Variants in PAPSS1 observed in about 807,000 individuals in gnomAD.
PAPSS1 encodes bifunctional 3'-phosphoadenosine 5'-phosphosulfate synthase 1.
A neutral mutation model predicts 72.0 loss-of-function variants in PAPSS1; 50 were observed. The ratio of observed to expected loss-of-function variants is 0.69; its 90% confidence interval spans 0.55 to 0.88. The LOEUF (loss-of-function observed/expected upper bound fraction) is 0.88, where lower values mean the gene tolerates loss of function less well. Ranked by LOEUF, PAPSS1 falls within the 40% of genes least tolerant of loss-of-function variation. The pLI, the probability that PAPSS1 is intolerant of heterozygous loss-of-function variation, is 0.00. For synonymous variants in PAPSS1, 261 were observed against 263.6 expected (o/e 0.99, Z 0.09); for missense variants, 657 against 782.2 (o/e 0.84, Z 1.91).
chr4:107,675,473 A>C (rs1442672223), intron 5 of PAPSS1, among the ~76,000 whole-genome samples: 1 of 152,240 alleles, frequency 6.6e-6, no homozygotes, highest in Non-Finnish European at 1.5e-5. Context: ...CACCCTCCCA[A>C]GACTAAACCA....
At chr4:107,665,542 T>C (rs1269465078) in intron 5 of PAPSS1, among the ~76,000 whole-genome samples, 2 of 152,106 alleles carry the variant, frequency 1.3e-5, no homozygotes, top group Non-Finnish European at 2.9e-5. Flanking sequence ...TGCACACACC[T>C]GGACATCTCA....
At chr4:107,631,447 A>T (rs4956112) in intron 11 of PAPSS1, among the ~76,000 whole-genome samples, 184 bp downstream of exon 11, 36,581 of 152,096 alleles carry the variant, frequency 0.24, 4,425 homozygotes, top group East Asian at 0.37. Context: ...ATGAAACTAG[A>T]TTCAAGTTTT....
intron 7 of PAPSS1, among the ~76,000 whole-genome samples, chr4:107,655,646 T>C (rs533423762): frequency 6.6e-6 from 1 of 152,274 alleles, no homozygotes; most frequent in East Asian, 1.9e-4. Context: ...ACTAAAGAAA[T>C]CATATTTTTT....
At position 107,652,167 on chromosome 4, in the gene PAPSS1, C is replaced by A. The variant is rs146575228; in HGVS notation, c.1237+1324G>T. 2.1e-3 allele frequency among the ~76,000 whole-genome samples: 316 copies of A among 152,314 alleles called. 3 individuals are homozygous for A. The highest frequency in any genetic ancestry group is 7.2e-3 in the African/African-American group (299 of 41,570). The stretch of plus-strand genomic sequence containing the variant: ...AACACATTCACCTGCCCTTTCTCAA[C>A]CACATCCATCTGATTTCTACACAGA... On this transcript the variant is annotated intron_variant, in intron 9 of 11. Transcript: ENST00000265174.
At chr4:107,637,380 C>G (rs1420848558) in intron 10 of PAPSS1, among the ~76,000 whole-genome samples, 2 of 152,034 alleles carry the variant, frequency 1.3e-5, no homozygotes, top group Admixed American at 1.3e-4. Context: ...AAAACAAAAA[C>G]AAATTAAAAA....
chr4:107,657,744 C>CA lies in PAPSS1; in HGVS notation c.784-738dup, dbSNP rs33998305. ...TGGGCAGTAGAGTGAGACCATGTCT[C>CA]AAAAAAAAAAAAAGAAGTCATTGGG... On this transcript the variant is annotated intron_variant, in intron 6 of 11. Transcript: ENST00000265174. 7.6e-3 allele frequency among the ~76,000 whole-genome samples: 937 copies of CA among 123,016 alleles called. 6 individuals carry two copies. The highest frequency in any genetic ancestry group is 0.025 in the African/African-American group (816 of 33,300). The allele number at this position is 123,016 out of a possible 152,430, so 80.7% of individuals were successfully genotyped here. A position where few individuals can be genotyped will look rare whatever the true frequency, so the allele number is the denominator to read the frequency against.
chr4:107,640,479 TTTA>T (rs917522723), intron 10 of PAPSS1, among the ~76,000 whole-genome samples: 17 of 152,314 alleles, frequency 1.1e-4, no homozygotes, highest in African/African-American at 4.1e-4. Context: ...TTGTTTTTAT[TTTA>T]TTATTATTAG....
chr4:107,690,329 C>A (rs1722883919), intron 3 of PAPSS1, among the ~76,000 whole-genome samples: 1 of 152,156 alleles, frequency 6.6e-6, no homozygotes, highest in Admixed American at 6.5e-5. Flanking sequence ...CCCAAAAAAA[C>A]AAACTGTCTC....
At chr4:107,714,783 C>G (rs1484923824) in intron 1 of PAPSS1, among the ~76,000 whole-genome samples, 2 of 152,104 alleles carry the variant, frequency 1.3e-5, no homozygotes, top group African/African-American at 4.8e-5. Flanking sequence ...CGATTGAGAA[C>G]CACTGGCATA....
Position 107,687,308 on chromosome 4 carries a change from A to G in PAPSS1, c.412-131T>C, listed in dbSNP as rs1722812603. The stretch of plus-strand genomic sequence containing the variant: ...ACAAAATTTATGTTTTTAAATATAA[A>G]CTGAAAAAAAAATCCAAGAAATTAT... On this transcript the variant is annotated intron_variant, in intron 3 of 11. Transcript: ENST00000265174. The G allele has an allele frequency of 1.1e-5, 7 of 643,884 alleles. No homozygotes were observed. In the South Asian group the frequency reaches 1.5e-4, roughly 14 times the overall value. The allele number at this position is 643,884 out of a possible 1,614,324, so 39.9% of individuals were successfully genotyped here.
At chr4:107,699,614 A>G (rs925044657) in intron 2 of PAPSS1, among the ~76,000 whole-genome samples, 4 of 152,196 alleles carry the variant, frequency 2.6e-5, no homozygotes, top group Non-Finnish European at 5.9e-5. Flanking sequence ...CCTAACTGAG[A>G]AAGACAAAAG....
At chr4:107,661,606 C>G (rs1727183909) in intron 5 of PAPSS1, among the ~76,000 whole-genome samples, 1 of 152,158 alleles carries the variant, frequency 6.6e-6, no homozygotes, top group Non-Finnish European at 1.5e-5. Flanking sequence ...ATGATTCCAA[C>G]TACATGATGC....
At chr4:107,665,759 C>T (rs144182356) in intron 5 of PAPSS1, among the ~76,000 whole-genome samples, 68 of 152,236 alleles carry the variant, frequency 4.5e-4, no homozygotes, top group African/African-American at 1.5e-3. Flanking sequence ...GTACCCAGAA[C>T]GTTGTTTGAC....
chr4:107,681,178 G>A (rs554986414), intron 5 of PAPSS1, among the ~76,000 whole-genome samples: 6 of 152,186 alleles, frequency 3.9e-5, no homozygotes, highest in Non-Finnish European at 1.5e-5. Context: ...CAGATTAAGA[G>A]GGGGTTCAAA....
At chr4:107,682,478 G>C (rs564504439) in intron 4 of PAPSS1, among the ~76,000 whole-genome samples, 2 of 152,144 alleles carry the variant, frequency 1.3e-5, no homozygotes, top group East Asian at 3.9e-4. Flanking sequence ...CAGGTGTGTC[G>C]GACGTGTTGC....
At chr4:107,628,951 G>C (rs960543135) in intron 11 of PAPSS1, among the ~76,000 whole-genome samples, 8 of 152,202 alleles carry the variant, frequency 5.3e-5, no homozygotes, top group Non-Finnish European at 8.8e-5. Context: ...ACCTATAGAT[G>C]AAAGTTAATA....
At chr4:107,648,912 A>G (rs1726765850) in intron 9 of PAPSS1, among the ~76,000 whole-genome samples, 1 of 152,234 alleles carries the variant, frequency 6.6e-6, no homozygotes, top group African/African-American at 2.4e-5. Context: ...TAAAGGAATA[A>G]GAGATGGGCC....
rs540608513 is a variant in PAPSS1, at chr4:107,635,048, T to C, written c.1507-3188A>G. Among the ~76,000 whole-genome samples, 14 of 152,320 alleles carry C rather than the reference T, an allele frequency of 9.2e-5. No homozygotes were observed. The South Asian group carries it at 2.9e-3, about 32-fold the overall frequency. ...CTCCTGACCTTGTGATCCGCCCGCC[T>C]TGGCCTCCCAAAGTGCCAGGATTAC... On this transcript the variant is annotated intron_variant, in intron 10 of 11. Transcript: ENST00000265174.
intron 10 of PAPSS1, among the ~76,000 whole-genome samples, chr4:107,637,511 C>T (rs1028232232): frequency 3.9e-5 from 6 of 152,088 alleles, no homozygotes; most frequent in African/African-American, 1.4e-4. Flanking sequence ...TTTCACTGTT[C>T]CAGAAATCTG....
Sources: allele counts gnomAD v4.1 joint callset (sites outside exome capture counted in the v4.1 genomes callset), GRCh38; gene constraint gnomAD v4.1.1; transcripts MANE v1.5; gene names NCBI Gene and HGNC (gene_info 2026-07-23, HGNC 2026-07-21).